SUMF1: variants seen among roughly 807,000 people sequenced by gnomAD.
SUMF1 encodes the protein formylglycine-generating enzyme.
SUMF1 carries 48 observed loss-of-function variants against 47.6 expected under a neutral mutation model. That is an observed-to-expected ratio of 1.01 (90% CI 0.80 to 1.28). The LOEUF is 1.28. Among genes scored for constraint, SUMF1 ranks in the 50% most tolerant of loss-of-function variants. The pLI, the probability that SUMF1 is intolerant of heterozygous loss-of-function variation, is 0.00. For synonymous variants in SUMF1, 230 were observed against 192.1 expected, an observed-to-expected ratio of 1.20 and a Z score of -1.63; for missense variants, 571 against 485.4, an observed-to-expected ratio of 1.18 and a Z score of -1.66.
chr3:4,425,992 A>T (rs1702056271), intron 3 of SUMF1, among the ~76,000 whole-genome samples: 1 of 152,156 alleles, frequency 6.6e-6, no homozygotes, highest in African/African-American at 2.4e-5. Context: ...CTCTCACAAG[A>T]ACAGTGTGGG....
chr3:4,149,949 A>G (rs768841618), intron 8 of SUMF1, among the ~76,000 whole-genome samples: 22 of 152,122 alleles, frequency 1.4e-4, no homozygotes, highest in Non-Finnish European at 2.9e-4. Context: ...TCATTTGCAT[A>G]TCTTCCATAT....
intron 8 of SUMF1, among the ~76,000 whole-genome samples, chr3:4,346,443 T>C (rs1575115959): frequency 6.6e-6 from 1 of 151,950 alleles, no homozygotes; most frequent in South Asian, 2.1e-4. Context: ...GTAAATAATG[T>C]AATTAAGGCA....
intron 8 of SUMF1, among the ~76,000 whole-genome samples, chr3:4,231,161 C>T (rs1242807): frequency 0.6 from 91,355 of 151,932 alleles, 28,107 homozygotes; most frequent in African/African-American, 0.7. Context: ...AGCTGGCCTG[C>T]TAATAGCTAG....
chr3:4,051,450 G>A (rs1005890164), intron 9 of SUMF1, among the ~76,000 whole-genome samples: 6 of 152,092 alleles, frequency 3.9e-5, no homozygotes, highest in Non-Finnish European at 5.9e-5. Context: ...TCAAGTGTGC[G>A]ATCCAAGGAG....
At chr3:4,196,020 T>C (rs555047209) in intron 8 of SUMF1, among the ~76,000 whole-genome samples, 36 of 152,260 alleles carry the variant, frequency 2.4e-4, no homozygotes, top group Admixed American at 1.7e-3. Flanking sequence ...ATATCAATTA[T>C]ACAACAGTAA....
intron 8 of SUMF1, among the ~76,000 whole-genome samples, chr3:4,299,575 G>A (rs940685601): frequency 6.6e-6 from 1 of 152,214 alleles, no homozygotes; most frequent in African/African-American, 2.4e-5. Flanking sequence ...TTGGGAGGTG[G>A]AGATGGGTGG....
chr3:4,099,772 C>G (rs947900792), intron 8 of SUMF1, among the ~76,000 whole-genome samples: 3 of 151,742 alleles, frequency 2.0e-5, no homozygotes, highest in Non-Finnish European at 2.9e-5. Context: ...GGATACAAAA[C>G]CAACATGCAA....
chr3:4,453,753 TGAACTC>T (rs1440656934), intron 1 of SUMF1, among the ~76,000 whole-genome samples: 1 of 151,970 alleles, frequency 6.6e-6, no homozygotes, highest in Admixed American at 6.6e-5. Context: ...AGGCTGGTCT[TGAACTC>T]CTGACCTCAG....
chr3:4,051,026 G>A (rs746802866), intron 9 of SUMF1, among the ~76,000 whole-genome samples: 4 of 151,412 alleles, frequency 2.6e-5, no homozygotes, highest in South Asian at 2.1e-4. Context: ...TTGTCTACCC[G>A]CTAAAATGAC....
chr3:4,105,607 G>A (rs936819811), intron 8 of SUMF1, among the ~76,000 whole-genome samples: 1 of 152,024 alleles, frequency 6.6e-6, no homozygotes, highest in African/African-American at 2.4e-5. Flanking sequence ...AATACTGACA[G>A]AAATAGGAAT....
At chr3:4,058,305 C>T (rs1345504416) in intron 9 of SUMF1, among the ~76,000 whole-genome samples, 2 of 152,132 alleles carry the variant, frequency 1.3e-5, no homozygotes, top group African/African-American at 4.8e-5. Flanking sequence ...TGTCTGCAAG[C>T]CCCCACATCC....
Position 4,294,454 on chromosome 3 carries a change from C to T in SUMF1, c.1014+81876G>A, listed in dbSNP as rs112768574. 3.8e-3 allele frequency among the ~76,000 whole-genome samples: 582 copies of T among 152,188 alleles called. 2 individuals carry two copies. The highest frequency in any genetic ancestry group is 6.3e-3 in the Non-Finnish European group (427 of 68,012). On this transcript the variant is annotated intron_variant and NMD_transcript_variant, in intron 8 of 12. Transcript: ENST00000448413. ...TAGTGTGTGCCTGTAGTCTCAGCTG[C>T]AAAGGACGCTGAGGCAGGAGGATTT... is the stretch of plus-strand genomic sequence containing the variant.
chr3:4,371,091 A>T (rs1190462912), intron 8 of SUMF1, among the ~76,000 whole-genome samples: 1 of 152,230 alleles, frequency 6.6e-6, no homozygotes, highest in Non-Finnish European at 1.5e-5. Flanking sequence ...TAAGTCGTTT[A>T]TTTTAAATTC....
At chr3:4,070,756 C>G (rs965209832) in intron 8 of SUMF1, among the ~76,000 whole-genome samples, 2 of 152,076 alleles carry the variant, frequency 1.3e-5, no homozygotes, top group African/African-American at 4.8e-5. Flanking sequence ...CTGCCTCAGC[C>G]TCCTGAGTAG....
intron 8 of SUMF1, among the ~76,000 whole-genome samples, chr3:4,072,036 AAG>A (rs145640225): frequency 1.3e-5 from 2 of 152,226 alleles, no homozygotes; most frequent in East Asian, 3.9e-4. Flanking sequence ...CACCTCATAC[AAG>A]AGAGCACTGC....
intron 8 of SUMF1, among the ~76,000 whole-genome samples, chr3:4,292,863 A>G (rs369819284): frequency 2.6e-5 from 4 of 152,278 alleles, no homozygotes; most frequent in African/African-American, 9.6e-5. Flanking sequence ...CACATATTTC[A>G]TCTGCAGTGA....
rs186614516 is a variant in SUMF1, at chr3:4,384,690, T to A, written c.955-8301A>T. On this transcript the variant is annotated intron_variant, in intron 7 of 8. Transcript: ENST00000272902. ...TATCCCTTATTACTATTGAGTAGTA[T>A]TCCATGGTGTGGATGTATCGGTTTG... is the stretch of plus-strand genomic sequence containing the variant. Among the ~76,000 whole-genome samples the A allele has an allele frequency of 3.9e-4, 60 of 152,308 alleles. 1 individual carries two copies. The highest frequency in any genetic ancestry group is 1.4e-3 in the African/African-American group (59 of 41,554).
intron 8 of SUMF1, among the ~76,000 whole-genome samples, chr3:4,251,658 T>C (rs1696804463): frequency 6.6e-6 from 1 of 152,186 alleles, no homozygotes; most frequent in Admixed American, 6.5e-5. Context: ...CAGTCAATCC[T>C]TTGAAGGTTT....
intron 8 of SUMF1, among the ~76,000 whole-genome samples, chr3:4,203,864 T>TA (rs371943611): frequency 3.4e-4 from 51 of 151,854 alleles, no homozygotes; most frequent in African/African-American, 1.1e-3. Context: ...AACAGAAGAC[T>TA]AAAAAAAACT....
Sources: allele counts gnomAD v4.1 joint callset (sites outside exome capture counted in the v4.1 genomes callset), GRCh38; gene constraint gnomAD v4.1.1; transcripts MANE v1.5; gene names NCBI Gene and HGNC (gene_info 2026-07-23, HGNC 2026-07-21).